The following MSMO1 variants were observed in gnomAD, a reference collection of about 807,000 sequenced individuals.
The protein encoded by MSMO1 is methylsterol monooxygenase 1.
In MSMO1, 18 loss-of-function variants were observed where a neutral mutation model predicts 30.4. The observed-to-expected ratio is 0.59, with a 90% confidence interval of 0.41 to 0.88. The LOEUF is 0.88. Among genes scored for constraint, MSMO1 ranks in the 40% least tolerant of loss-of-function variants. MSMO1 has a pLI of 0.00. For synonymous variants in MSMO1, 84 were observed against 107.9 expected, an observed-to-expected ratio of 0.78 and a Z score of 1.37; for missense variants, 284 against 340.5, an observed-to-expected ratio of 0.83 and a Z score of 1.31.
In MSMO1 at chr4:165,342,043, C is replaced by T. The variant is rs535009384; in HGVS notation, c.*97C>T. On this transcript the variant is annotated 3_prime_UTR_variant, in exon 6 of 6. Coordinates refer to ENST00000261507, the MANE Select transcript of MSMO1 (RefSeq NM_006745.5). ...TGGAGAGCAGAAATAAGCATGTCTT[C>T]TGGCTACTAAGTGATAAAAAGAACA... 2 of 1,042,780 alleles carry T rather than the reference C, an allele frequency of 1.9e-6. No individual in the cohort carries two copies. Among genetic ancestry groups the T allele is most frequent in the Non-Finnish European group, 1.5e-6 (1 of 688,036 alleles). 64.6% of individuals were successfully genotyped at this position (1,042,780 alleles called of 1,614,324 possible).
chr4:165,340,181 A>G (rs2126628080), intron 4 of MSMO1, 40 bp from the exon 5 acceptor site: 2 of 1,597,548 alleles, frequency 1.3e-6, no homozygotes, highest in African/African-American at 1.3e-5. Flanking sequence ...GACCATCACA[A>G]TAGCTAAGAA....
intron 1 of MSMO1, among the ~76,000 whole-genome samples, chr4:165,333,084 A>G (rs376035323): frequency 3.9e-5 from 6 of 152,216 alleles, no homozygotes; most frequent in East Asian, 3.9e-4. Flanking sequence ...TTTTTCCCCT[A>G]TTGTTCTTTT....
intron 1 of MSMO1, among the ~76,000 whole-genome samples, chr4:165,332,560 C>T (rs1240693374): frequency 6.6e-6 from 1 of 152,162 alleles, no homozygotes; most frequent in Non-Finnish European, 1.5e-5. Flanking sequence ...AATTTTTCCT[C>T]CAATGATACA....
chr4:165,338,027 T>A, intron 3 of MSMO1, 90 bp downstream of exon 3: 1 of 1,229,868 alleles, frequency 8.1e-7, no homozygotes, highest in Non-Finnish European at 1.2e-6. Context: ...TAATTTTAGT[T>A]AATGTTTGTT....
chr4:165,338,310 A>ATATATATATATATATACACACG (rs1747616346), intron 3 of MSMO1, among the ~76,000 whole-genome samples: 1 of 12,802 alleles, frequency 7.8e-5, no homozygotes, highest in Non-Finnish European at 1.2e-4. Flanking sequence ...GTATGTGTAT[A>ATATATATATATATATACACACG]TATATATATA....
chr4:165,333,859 A>T (rs1479057383), intron 2 of MSMO1, among the ~76,000 whole-genome samples: 1 of 152,226 alleles, frequency 6.6e-6, no homozygotes, highest in African/African-American at 2.4e-5. Context: ...CGCTGGGTGC[A>T]GGGTCCATGC....
Position 165,342,974 on chromosome 4 carries a change from A to G in MSMO1, c.*1028A>G, listed in dbSNP as rs1747756640. ...TTACCCTTCCATTTTTGTATATCAA[A>G]TTTCCATTGTCATTAAAAACTGTAT... On this transcript the variant is annotated 3_prime_UTR_variant, in exon 6 of 6. Coordinates refer to ENST00000261507, the MANE Select transcript of MSMO1 (RefSeq NM_006745.5). 6.6e-6 allele frequency: 1 copy of G among 152,622 alleles called. No homozygotes were observed. The highest frequency in any genetic ancestry group is 1.5e-5 in the Non-Finnish European group (1 of 68,040). 9.5% of individuals were successfully genotyped at this position (152,622 alleles called of 1,614,324 possible).
intron 2 of MSMO1, among the ~76,000 whole-genome samples, chr4:165,337,442 A>G (rs956106111): frequency 6.6e-6 from 1 of 152,236 alleles, no homozygotes; most frequent in East Asian, 1.9e-4. Context: ...AATTGTGGAC[A>G]CCCAACAGTA....
chr4:165,337,762 A>G (rs1034355399), intron 2 of MSMO1, 27 bp from the exon 3 acceptor site: 18 of 1,610,850 alleles, frequency 1.1e-5, no homozygotes, highest in South Asian at 4.4e-5. Context: ...AGAGACTAAT[A>G]TTAGATATTG....
At position 165,342,644 on chromosome 4, in the gene MSMO1, A is replaced by C. The variant is rs1467384096; in HGVS notation, c.*698A>C. ...AGTGCTGGGATTACAGGTGTAAGCC[A>C]CTGCGCCCGGCCTTTTTAACTTTAA... On this transcript the variant is annotated 3_prime_UTR_variant, in exon 6 of 6. Coordinates refer to ENST00000261507, the MANE Select transcript of MSMO1 (RefSeq NM_006745.5). 1 of 152,378 alleles carries C rather than the reference A, an allele frequency of 6.6e-6. No individual in the cohort carries two copies. Among genetic ancestry groups the C allele is most frequent in the Non-Finnish European group, 1.5e-5 (1 of 68,166 alleles). The allele number at this position is 152,378 out of a possible 1,614,324, so 9.4% of individuals were successfully genotyped here.
intron 1 of MSMO1, among the ~76,000 whole-genome samples, chr4:165,331,775 G>C (rs1579212426): frequency 6.6e-6 from 1 of 152,178 alleles, no homozygotes; most frequent in East Asian, 1.9e-4. Context: ...ACATTTTTAG[G>C]AAAGTGACCC....
chr4:165,339,253 C>T (rs1428953889), intron 4 of MSMO1, among the ~76,000 whole-genome samples: 1 of 151,884 alleles, frequency 6.6e-6, no homozygotes, highest in Non-Finnish European at 1.5e-5. Flanking sequence ...TACAGGCATG[C>T]GTCACCACGC....
At chr4:165,334,620 G>T (rs555086945) in intron 2 of MSMO1, among the ~76,000 whole-genome samples, 1 of 152,184 alleles carries the variant, frequency 6.6e-6, no homozygotes, top group South Asian at 2.1e-4. Context: ...TTGAGAGGTC[G>T]CTATGTACAT....
rs981163148 is a variant in MSMO1 at position 165,342,129 on chromosome 4, A to G, written c.*183A>G. ...TTTCTACTTTACCTACAAGTTCTAT[A>G]TATGTAGAAATGAATAAATATATAT... On this transcript the variant is annotated 3_prime_UTR_variant, in exon 6 of 6. Transcript: ENST00000261507. 1.8e-6 allele frequency: 1 copy of G among 546,360 alleles called. No individual in the cohort carries two copies. Among genetic ancestry groups the G allele is most frequent in the African/African-American group, 1.9e-5 (1 of 52,854 alleles). 33.8% of individuals were successfully genotyped at this position (546,360 alleles called of 1,614,324 possible).
intron 2 of MSMO1, 100 bp downstream of exon 2, chr4:165,333,725 C>A: frequency 1.6e-6 from 2 of 1,260,484 alleles, no homozygotes; most frequent in South Asian, 1.8e-5. Flanking sequence ...CAGTGATATC[C>A]AATAGAAATA....
intron 1 of MSMO1, among the ~76,000 whole-genome samples, chr4:165,329,673 C>T (rs1386524899): frequency 7.9e-5 from 9 of 114,396 alleles, no homozygotes; most frequent in African/African-American, 2.4e-4. Flanking sequence ...CTCACTCTGT[C>T]GCCCAGGCTG....
intron 3 of MSMO1, among the ~76,000 whole-genome samples, chr4:165,338,257 T>C (rs1747612818): frequency 6.6e-6 from 1 of 150,994 alleles, no homozygotes; most frequent in African/African-American, 2.4e-5. Context: ...ATGAGAATCA[T>C]TTATGAGGTT....
chr4:165,336,395 T>A (rs1236293351), intron 2 of MSMO1, among the ~76,000 whole-genome samples: 1 of 152,174 alleles, frequency 6.6e-6, no homozygotes, highest in Non-Finnish European at 1.5e-5. Flanking sequence ...TAAACTTTCA[T>A]ATTGCACTAG....
rs377690925 is a variant in MSMO1, at chr4:165,341,715, T to G, written c.687-36T>G. 1.2e-5 allele frequency: 18 copies of G among 1,527,428 alleles called. No homozygotes were observed. The African/African-American group carries it at 2.2e-4, about 19-fold the overall frequency. 94.6% of individuals were successfully genotyped at this position (1,527,428 alleles called of 1,614,324 possible). Reference sequence around the variant, plus strand: ...AAAAACAACAATCATTTGAGATGTATTTATTCCTTAATAATCTTTATCATT... The same window carrying G: ...AAAAACAACAATCATTTGAGATGTAGTTATTCCTTAATAATCTTTATCATT... On this transcript the variant is annotated intron_variant, in intron 5 of 5. Transcript: ENST00000261507.
Sources: allele counts gnomAD v4.1 joint callset (sites outside exome capture counted in the v4.1 genomes callset), GRCh38; gene constraint gnomAD v4.1.1; transcripts MANE v1.5; gene names NCBI Gene and HGNC (gene_info 2026-07-23, HGNC 2026-07-21).